Variants in ADORA1 observed in about 807,000 individuals in gnomAD.
The protein encoded by ADORA1 is adenosine A1 receptor, also known as adenosine receptor A1.
In ADORA1, 6 loss-of-function variants were observed where a neutral mutation model predicts 19.9. That is an observed-to-expected ratio of 0.30 (90% CI 0.17 to 0.59). The LOEUF (loss-of-function observed/expected upper bound fraction) is 0.59, where lower values mean the gene tolerates loss of function less well. ADORA1 is among the 20% of genes least tolerant of loss of function. ADORA1 has a pLI of 0.87. For synonymous variants in ADORA1, 194 were observed against 188.4 expected (o/e 1.03, Z -0.24); for missense variants, 302 against 439.2 (o/e 0.69, Z 2.79).
chr1:203,149,981 G>A (rs1364287678), intron 3 of ADORA1: 1 of 152,142 alleles, frequency 6.6e-6, no homozygotes, highest in African/African-American at 2.4e-5. Context: ...GCCAGGTACT[G>A]TGGTAGGTGC....
At chr1:203,137,418 G>C (rs1217715987) in intron 3 of ADORA1, among the ~76,000 whole-genome samples, 3 of 152,240 alleles carry the variant, frequency 2.0e-5, no homozygotes, top group Non-Finnish European at 2.9e-5. Context: ...TGAGGGAAAT[G>C]GTGAGCCATT....
In ADORA1 at chr1:203,143,513, G is replaced by A. The variant is rs147483427; in HGVS notation, c.341+14331G>A. Among the ~76,000 whole-genome samples the A allele has an allele frequency of 1.2e-3, 189 of 151,872 alleles. 5 individuals carry two copies. The East Asian group carries it at 0.023, about 19-fold the overall frequency. On this transcript the variant is annotated intron_variant, in intron 3 of 3. Transcript: ENST00000337894. ...CCACAGTGGCTTCAGGTTCTTAGTGGGGTGTGTGTATTCACATATGCACAC... is the reference window on the plus strand; with the variant it reads ...CCACAGTGGCTTCAGGTTCTTAGTGAGGTGTGTGTATTCACATATGCACAC...
At chr1:203,151,774 CTTCATGCATGCATGCATTCATTCATTCA>C (rs952506373) in intron 3 of ADORA1, among the ~76,000 whole-genome samples, 1 of 125,934 alleles carries the variant, frequency 7.9e-6, no homozygotes, top group Non-Finnish European at 1.7e-5. Flanking sequence ...CCACAGCACA[CTTCATGCATGCATGCATTCATTCATTCA>C]TTCATTCATT....
At position 203,165,867 on chromosome 1, in the gene ADORA1, C is replaced by A; in HGVS notation, c.948C>A (p.Asp316Glu). Residue 316 changes from aspartate to glutamate, a missense_variant, in exon 4 of 4, where the codon GAC (aspartate) becomes GAA (glutamate). Transcript: ENST00000337894. This position sits in a 1 kb window ranked among gnomAD's most constrained non-coding sequence, Gnocchi z 5.9. ...GCTGCCAGCCTGCACCTCCCATTGA[C>A]GAGGATCTCCCAGAAGAGAGGCCTG... is the stretch of plus-strand genomic sequence containing the variant. Reference protein sequence around the residue: ...HFRCQPAPPIDEDLPEERPDD With the variant: ...HFRCQPAPPIEEDLPEERPDD 1 of 1,580,396 alleles carries A rather than the reference C, an allele frequency of 6.3e-7. No homozygotes were observed. Among genetic ancestry groups the A allele is most frequent in the South Asian group, 1.2e-5 (1 of 83,854 alleles).
At chr1:203,154,387 T>G (rs982019810) in intron 3 of ADORA1, among the ~76,000 whole-genome samples, 6 of 152,110 alleles carry the variant, frequency 3.9e-5, no homozygotes, top group Non-Finnish European at 7.3e-5. Flanking sequence ...TCATTTTAGG[T>G]GTTTACAGCC....
At chr1:203,135,386 C>T (rs555784901) in intron 3 of ADORA1, among the ~76,000 whole-genome samples, 14 of 152,228 alleles carry the variant, frequency 9.2e-5, no homozygotes, top group South Asian at 4.1e-4. Flanking sequence ...AGGCTGGGCG[C>T]GGTGGCTCAT....
intron 3 of ADORA1, among the ~76,000 whole-genome samples, chr1:203,159,961 A>C (rs1655310261): frequency 6.6e-6 from 1 of 152,170 alleles, no homozygotes; most frequent in Non-Finnish European, 1.5e-5. Context: ...CCTCACAACT[A>C]CTTAGTCCAG....
intron 3 of ADORA1, among the ~76,000 whole-genome samples, chr1:203,158,644 AC>A (rs1249335552): frequency 6.6e-6 from 1 of 152,098 alleles, no homozygotes; most frequent in Non-Finnish European, 1.5e-5. Context: ...TAGAGCAACA[AC>A]CCCACTTCTG....
At chr1:203,150,881 C>T in intron 3 of ADORA1, 1 of 1,157,228 alleles carries the variant, frequency 8.6e-7, no homozygotes, top group Non-Finnish European at 1.1e-6. Context: ...GGGGCCCTGA[C>T]AGCCCAAGCT....
intron 3 of ADORA1, among the ~76,000 whole-genome samples, chr1:203,139,835 C>A (rs7534251): frequency 0.08 from 12,209 of 152,158 alleles, 598 homozygotes; most frequent in South Asian, 0.18. Context: ...TGGGGCAGGC[C>A]CTTGTTGGTT....
intron 3 of ADORA1, among the ~76,000 whole-genome samples, chr1:203,138,108 G>A (rs1413571525): frequency 6.6e-6 from 1 of 152,326 alleles, no homozygotes. Context: ...CTATAGATTG[G>A]ATGTGAGAAA....
chr1:203,147,114 T>G (rs1301105956), intron 3 of ADORA1, among the ~76,000 whole-genome samples: 2 of 152,366 alleles, frequency 1.3e-5, no homozygotes, highest in East Asian at 3.9e-4. Context: ...TGAACCTTCC[T>G]GGACCTCAAT....
At chr1:203,131,224 T>G (rs1654321921) in intron 3 of ADORA1, among the ~76,000 whole-genome samples, 2 of 152,174 alleles carry the variant, frequency 1.3e-5, no homozygotes, top group Non-Finnish European at 2.9e-5. Context: ...ACTCACGCTC[T>G]TAGGTGTCAT....
At chr1:203,139,860 C>G (rs966507467) in intron 3 of ADORA1, among the ~76,000 whole-genome samples, 1 of 152,154 alleles carries the variant, frequency 6.6e-6, no homozygotes, top group African/African-American at 2.4e-5. Flanking sequence ...CAAAACCCCA[C>G]GTCGATGTCC....
intron 3 of ADORA1, among the ~76,000 whole-genome samples, chr1:203,162,427 C>T (rs1052414883): frequency 1.3e-5 from 2 of 152,014 alleles, no homozygotes; most frequent in Admixed American, 6.5e-5. Context: ...AAGTCTCCTC[C>T]CTCTCTCCTG....
chr1:203,128,523 G>A lies in ADORA1; in HGVS notation c.-58+91G>A. 2.0e-6 allele frequency: 2 copies of A among 1,020,822 alleles called. No homozygotes were observed. The highest frequency in any genetic ancestry group is 1.3e-6 in the Non-Finnish European group (1 of 757,152). 63.2% of individuals were successfully genotyped at this position (1,020,822 alleles called of 1,614,324 possible). A position where few individuals can be genotyped will look rare whatever the true frequency, so the allele number is the denominator to read the frequency against. Reference sequence around the variant, plus strand: ...TGCGTGTGTCTGTGTGTGCGCGCGCGCTGGGAGCTGCCTCACACCTGATAA... The same window carrying A: ...TGCGTGTGTCTGTGTGTGCGCGCGCACTGGGAGCTGCCTCACACCTGATAA... On this transcript the variant is annotated intron_variant, in intron 2 of 3. Coordinates refer to ENST00000337894, the MANE Select transcript of ADORA1 (RefSeq NM_000674.3). The surrounding 1 kb of genome is among the most constrained non-coding windows in gnomAD (Gnocchi z 5.9).
chr1:203,141,149 G>A (rs1449067026), intron 3 of ADORA1, among the ~76,000 whole-genome samples: 2 of 152,286 alleles, frequency 1.3e-5, no homozygotes, highest in Non-Finnish European at 2.9e-5. Flanking sequence ...TGGCAGAGCA[G>A]GTGGGATGGG....
intron 3 of ADORA1, among the ~76,000 whole-genome samples, chr1:203,136,249 G>A (rs114169215): frequency 1.4e-3 from 212 of 152,324 alleles, no homozygotes; most frequent in African/African-American, 4.9e-3. Context: ...AGAAGAAGGA[G>A]AGGCAGATGG....
chr1:203,157,731 A>G (rs1655240392), intron 3 of ADORA1, among the ~76,000 whole-genome samples: 1 of 152,232 alleles, frequency 6.6e-6, no homozygotes, highest in Admixed American at 6.5e-5. Flanking sequence ...CACCATGTGG[A>G]CACTGCCAAG....
Sources: allele counts gnomAD v4.1 joint callset (sites outside exome capture counted in the v4.1 genomes callset), GRCh38; gene constraint gnomAD v4.1.1; non-coding constraint Gnocchi (gnomAD v3.1); transcripts MANE v1.5; gene names NCBI Gene and HGNC (gene_info 2026-07-23, HGNC 2026-07-21).